KCNQ1: variants seen among roughly 807,000 people sequenced by gnomAD.
KCNQ1 encodes potassium voltage-gated channel subfamily Q member 1, also known as potassium voltage-gated channel subfamily KQT member 1.
Under a neutral mutation model 72.4 loss-of-function variants are expected in KCNQ1, and 49 were observed. The observed-to-expected ratio is 0.68, with a 90% CI of 0.54 to 0.86. KCNQ1 has a LOEUF of 0.86. Ranked by LOEUF, KCNQ1 falls within the 40% of genes least tolerant of loss-of-function variation. The probability of loss-of-function intolerance (pLI) is 0.00; values close to 1 mark genes in which losing one functional copy is unlikely to be tolerated. For synonymous variants in KCNQ1, 450 were observed against 412.6 expected, an observed-to-expected ratio of 1.09 and a Z score of -1.10; for missense variants, 790 against 945.1, an observed-to-expected ratio of 0.84 and a Z score of 2.15.
In KCNQ1 at chr11:2,668,037, T is replaced by G; in HGVS notation, c.1514+5956T>G. The G allele has an allele frequency of 2.5e-6, 1 of 398,598 alleles. No individual in the cohort carries two copies. Among genetic ancestry groups the G allele is most frequent in the Non-Finnish European group, 4.4e-6 (1 of 226,072 alleles). 24.7% of individuals were successfully genotyped at this position (398,598 alleles called of 1,614,324 possible). ...TAACTGCTAGCAGCAAGGACCAGCT[T>G]TGCCCACATTTGAACTTTATGCGGT... On this transcript the variant is annotated intron_variant, in intron 11 of 15. Coordinates refer to ENST00000155840, the MANE Select transcript of KCNQ1 (RefSeq NM_000218.3). The surrounding 1 kb of genome is among the most constrained non-coding windows in gnomAD (Gnocchi z 4.3).
Position 2,769,805 on chromosome 11 carries a change from C to G in KCNQ1, c.1590+886C>G, listed in dbSNP as rs1017604125. ...TGAGTGCGTGTCTGCAGGAGCAGGG[C>G]AGGGTGGGGCTTCTGAGCTGGGGGC... On this transcript the variant is annotated intron_variant, in intron 12 of 15. Transcript: ENST00000155840. This position sits in a 1 kb window ranked among gnomAD's most constrained non-coding sequence, Gnocchi z 4.6. 4.6e-5 allele frequency among the ~76,000 whole-genome samples: 7 copies of G among 151,936 alleles called. No homozygotes were observed. The highest frequency in any genetic ancestry group is 1.7e-4 in the African/African-American group (7 of 41,370).
chr11:2,708,298 G>A (rs1027196005), intron 11 of KCNQ1, among the ~76,000 whole-genome samples: 9 of 152,194 alleles, frequency 5.9e-5, no homozygotes, highest in African/African-American at 7.2e-5. Flanking sequence ...TGGTGTCTGC[G>A]GCCCGGGCCG....
In KCNQ1 at chr11:2,567,781, C is replaced by T. The variant is rs1705293733; in HGVS notation, c.478-2847C>T. Among the ~76,000 whole-genome samples, 1 of 152,212 alleles carries T rather than the reference C, an allele frequency of 6.6e-6. No individual in the cohort carries two copies. Among genetic ancestry groups the T allele is most frequent in the African/African-American group, 2.4e-5 (1 of 41,458 alleles). ...CCACCTTGTCCCACAGGCAGGAGTC[C>T]TGCCATCTTCGAAGGCCAGCCCCTA... On this transcript the variant is annotated intron_variant, in intron 2 of 15. Transcript: ENST00000155840. The surrounding 1 kb of genome is among the most constrained non-coding windows in gnomAD (Gnocchi z 6.6).
rs530974295 is a variant in KCNQ1 at position 2,703,504 on chromosome 11, C to T, written c.1514+41423C>T. Reference sequence around the variant, plus strand: ...GCACCCGAGAGCACGCACGCACACACGCACTCACAGCTGAAGAGAATTAGG... The same window carrying T: ...GCACCCGAGAGCACGCACGCACACATGCACTCACAGCTGAAGAGAATTAGG... On this transcript the variant is annotated intron_variant, in intron 11 of 15. Coordinates refer to ENST00000155840, the MANE Select transcript of KCNQ1 (RefSeq NM_000218.3). This position sits in a 1 kb window ranked among gnomAD's most constrained non-coding sequence, Gnocchi z 6.4. Among the ~76,000 whole-genome samples, 3 of 152,336 alleles carry T rather than the reference C, an allele frequency of 2.0e-5. No homozygotes were observed. The highest frequency in any genetic ancestry group is 1.9e-4 in the East Asian group (1 of 5,182).
chr11:2,513,753 G>T (rs1411366706), intron 1 of KCNQ1, among the ~76,000 whole-genome samples: 7 of 152,226 alleles, frequency 4.6e-5, no homozygotes, highest in Non-Finnish European at 8.8e-5. Context: ...TCTCCTCTGG[G>T]ATCTGCACAG....
intron 15 of KCNQ1, among the ~76,000 whole-genome samples, chr11:2,804,742 G>A (rs762684260): frequency 6.6e-6 from 1 of 152,220 alleles, no homozygotes; most frequent in Non-Finnish European, 1.5e-5. Flanking sequence ...GCAGACGGAG[G>A]CGACACCAAG....
chr11:2,456,648 G>A (rs1307865428), intron 1 of KCNQ1, among the ~76,000 whole-genome samples: 12 of 151,444 alleles, frequency 7.9e-5, no homozygotes, highest in East Asian at 3.9e-4. Flanking sequence ...AGGGCCGGGC[G>A]CGGTGGCTCA....
At chr11:2,610,367 A>C (rs537040601) in intron 10 of KCNQ1, 2 of 398,252 alleles carry the variant, frequency 5.0e-6, no homozygotes, top group African/African-American at 4.1e-5. Context: ...ATAATGATAT[A>C]TCTTTAAAGA....
chr11:2,506,037 T>C (rs1191221618), intron 1 of KCNQ1, among the ~76,000 whole-genome samples: 1 of 152,212 alleles, frequency 6.6e-6, no homozygotes, highest in Non-Finnish European at 1.5e-5. Flanking sequence ...GCTAGTTATA[T>C]ATCCAAAAAG....
At chr11:2,773,959 A>G (rs1233968382) in intron 12 of KCNQ1, among the ~76,000 whole-genome samples, 1 of 152,074 alleles carries the variant, frequency 6.6e-6, no homozygotes, top group Non-Finnish European at 1.5e-5. Context: ...CCCATATTAC[A>G]GAAGGGGGAA....
chr11:2,553,850 G>A (rs1179997842), intron 2 of KCNQ1, among the ~76,000 whole-genome samples: 1 of 152,008 alleles, frequency 6.6e-6, no homozygotes, highest in African/African-American at 2.4e-5. Flanking sequence ...CGAGTAGCTG[G>A]GATTACAGGC....
intron 12 of KCNQ1, among the ~76,000 whole-genome samples, chr11:2,773,867 G>A (rs776985977): frequency 1.7e-5 from 2 of 115,274 alleles, no homozygotes; most frequent in Non-Finnish European, 4.0e-5. Flanking sequence ...GATGCTAACA[G>A]GGCTCAGCAA....
rs553519285 is a variant in KCNQ1, at chr11:2,491,643, G to C, written c.387-36285G>C. On this transcript the variant is annotated intron_variant, in intron 1 of 15. Coordinates refer to ENST00000155840, the MANE Select transcript of KCNQ1 (RefSeq NM_000218.3). This position sits in a 1 kb window ranked among gnomAD's most constrained non-coding sequence, Gnocchi z 4.1. ...AAGAGGAGGTAGAGAAAGAGATAGG[G>C]GTAGAAAGCTTATTCAAAGGGATAC... Among the ~76,000 whole-genome samples, 18 of 152,054 alleles carry C rather than the reference G, an allele frequency of 1.2e-4. No homozygotes were observed. The East Asian group carries it at 3.5e-3, about 29-fold the overall frequency.
chr11:2,834,495 G>A (rs1848021267), intron 15 of KCNQ1, among the ~76,000 whole-genome samples: 1 of 152,298 alleles, frequency 6.6e-6, no homozygotes, highest in East Asian at 1.9e-4. Flanking sequence ...TGCCTCTGAG[G>A]GTCTGTCTCC....
chr11:2,565,834 T>C lies in KCNQ1; in HGVS notation c.478-4794T>C, dbSNP rs2133718170. 6.6e-6 allele frequency among the ~76,000 whole-genome samples: 1 copy of C among 152,362 alleles called. No homozygotes were observed. The highest frequency in any genetic ancestry group is 2.1e-4 in the South Asian group (1 of 4,832). On this transcript the variant is annotated intron_variant, in intron 2 of 15. Transcript: ENST00000155840. This position sits in a 1 kb window ranked among gnomAD's most constrained non-coding sequence, Gnocchi z 5.6. ...CAGGGAGGGGCAGAACCCATGGGGT[T>C]TGGCTTCCTGACCCTGAACGTCTTT...
At chr11:2,680,221 AAAAAAAG>A (rs1448969825) in intron 11 of KCNQ1, 20 of 398,294 alleles carry the variant, frequency 5.0e-5, no homozygotes, top group Middle Eastern at 1.3e-3. Flanking sequence ...AAAAAAAAAA[AAAAAAAG>A]TTGTCTATCT....
intron 10 of KCNQ1, among the ~76,000 whole-genome samples, chr11:2,605,079 A>G (rs1456325580): frequency 6.6e-6 from 1 of 152,214 alleles, no homozygotes; most frequent in Non-Finnish European, 1.5e-5. Flanking sequence ...TTTATTAACT[A>G]TATGTCAACC....
At chr11:2,581,741 A>T (rs1438419362) in intron 6 of KCNQ1, among the ~76,000 whole-genome samples, 1 of 152,248 alleles carries the variant, frequency 6.6e-6, no homozygotes, top group African/African-American at 2.4e-5. Context: ...ACAAGCACAG[A>T]CACGTGCACG....
chr11:2,454,582 A>T (rs1265211105), intron 1 of KCNQ1, among the ~76,000 whole-genome samples: 1 of 152,228 alleles, frequency 6.6e-6, no homozygotes, highest in Admixed American at 6.5e-5. Context: ...TGGGAATTGC[A>T]GGTTAAGGTA....
Sources: allele counts gnomAD v4.1 joint callset (sites outside exome capture counted in the v4.1 genomes callset), GRCh38; gene constraint gnomAD v4.1.1; non-coding constraint Gnocchi (gnomAD v3.1); transcripts MANE v1.5; gene names NCBI Gene and HGNC (gene_info 2026-07-23, HGNC 2026-07-21).